The following ADH1C variants were observed in gnomAD, a reference collection of about 807,000 sequenced individuals.
ADH1C encodes alcohol dehydrogenase 1C.
ADH1C carries 26 observed loss-of-function variants against 35.0 expected under a neutral mutation model. The observed-to-expected ratio is 0.74, with a 90% confidence interval of 0.54 to 1.03. The LOEUF is 1.03. ADH1C is among the 50% of genes least tolerant of loss of function. ADH1C has a pLI of 0.00. For missense variants in ADH1C, 413 were observed against 465.4 expected (o/e 0.89, Z 1.04); for synonymous variants, 170 against 169.3 (o/e 1.00, Z -0.03).
chr4:99,337,816 G>C (rs1357356891), intron 8 of ADH1C, among the ~76,000 whole-genome samples: 2 of 151,918 alleles, frequency 1.3e-5, no homozygotes, highest in Non-Finnish European at 2.9e-5. Flanking sequence ...CAATTTATAT[G>C]ATTTATTTTA....
At chr4:99,348,579 A>G (rs1230885576) in intron 1 of ADH1C, among the ~76,000 whole-genome samples, 2 of 150,922 alleles carry the variant, frequency 1.3e-5, no homozygotes, top group Non-Finnish European at 3.0e-5. Flanking sequence ...TAATGCGGCA[A>G]TAAACATACG....
At chr4:99,342,278 T>C (rs1734434112) in intron 6 of ADH1C, among the ~76,000 whole-genome samples, 1 of 152,142 alleles carries the variant, frequency 6.6e-6, no homozygotes, top group Admixed American at 6.5e-5. Flanking sequence ...TGATAAAATA[T>C]AGCAATGTAT....
chr4:99,343,214 A>T lies in ADH1C; in HGVS notation c.568-159T>A, dbSNP rs1007139077. 3.3e-5 allele frequency among the ~76,000 whole-genome samples: 5 copies of T among 152,212 alleles called. No individual in the cohort carries two copies. The East Asian group carries it at 9.6e-4, about 29-fold the overall frequency. On this transcript the variant is annotated intron_variant, in intron 5 of 8. Transcript: ENST00000515683. ...TTTTGGCTTGAAATGCTTCATGTTTAAATTCAAGGGGTTGAATTAGTTGAG... is the reference window on the plus strand; with the variant it reads ...TTTTGGCTTGAAATGCTTCATGTTTTAATTCAAGGGGTTGAATTAGTTGAG...
In ADH1C at chr4:99,345,078, T is replaced by C. The variant is rs774766061; in HGVS notation, c.351A>G (p.Leu117=). 6.2e-7 allele frequency: 1 copy of C among 1,614,184 alleles called. No homozygotes were observed. The highest frequency in any genetic ancestry group is 1.7e-5 in the Admixed American group (1 of 60,026). The change falls in exon 5 of 9, where the codon CTA becomes CTG. Residue 117 remains leucine (L), a synonymous_variant. Coordinates refer to ENST00000515683, the MANE Select transcript of ADH1C (RefSeq NM_000669.5). ...PESNYCLKND[L]GNPRGTLQDG... The stretch of plus-strand genomic sequence containing the variant: ...CCTGCAGGGTCCCCCGAGGATTGCC[T>C]AGACTGGGCAGTGCAATACAAAGAC...
chr4:99,341,560 A>T (rs965422734), intron 6 of ADH1C, among the ~76,000 whole-genome samples: 1 of 152,198 alleles, frequency 6.6e-6, no homozygotes. Context: ...GATTCTCTTG[A>T]TACTTTATTC....
In ADH1C at chr4:99,345,019, G is replaced by A; in HGVS notation, c.410C>T (p.Pro137Leu). 2 of 1,614,156 alleles carry A rather than the reference G, an allele frequency of 1.2e-6. No individual in the cohort carries two copies. The highest frequency in any genetic ancestry group is 1.7e-6 in the Non-Finnish European group (2 of 1,180,028). The change falls in exon 5 of 9, where the codon CCC becomes CTC. Residue 137 changes from proline (P) to leucine (L), a missense_variant. Coordinates refer to ENST00000515683, the MANE Select transcript of ADH1C (RefSeq NM_000669.5). The part of the protein sequence containing the change: ...GTRRFTCSGK[P>L]IHHFVGVSTF... ...GCTGACGCCGACGAAGTGGTGGATGGGCTTCCCGCTGCAGGTGAACCTCCT... is the reference window on the plus strand; with the variant it reads ...GCTGACGCCGACGAAGTGGTGGATGAGCTTCCCGCTGCAGGTGAACCTCCT...
In ADH1C at chr4:99,336,658, A is replaced by G. The variant is rs923992424; in HGVS notation, c.*94T>C. 48 of 1,455,306 alleles carry G rather than the reference A, an allele frequency of 3.3e-5. No homozygotes were observed. Among genetic ancestry groups the G allele is most frequent in the Admixed American group, 1.9e-4 (11 of 57,660 alleles). 90.1% of individuals were successfully genotyped at this position (1,455,306 alleles called of 1,614,324 possible). On this transcript the variant is annotated 3_prime_UTR_variant, in exon 9 of 9. Coordinates refer to ENST00000515683, the MANE Select transcript of ADH1C (RefSeq NM_000669.5). ...TGTAATTTATTTTTAACATCTCTGA[A>G]GAGCAGAATTAATGATATTTCCTAG...
At chr4:99,346,687 C>T (rs991415655) in intron 3 of ADH1C, among the ~76,000 whole-genome samples, 1 of 152,052 alleles carries the variant, frequency 6.6e-6, no homozygotes, top group Non-Finnish European at 1.5e-5. Context: ...CTAACACTAA[C>T]GTGGAAGTTA....
In ADH1C at chr4:99,336,558, T is replaced by C. The variant is rs1444701173; in HGVS notation, c.*194A>G. ...AGTTGATGTTCAACACTTTATTTAG[T>C]TCTCATTTGGATTTTAAACATTTGC... On this transcript the variant is annotated 3_prime_UTR_variant, in exon 9 of 9. Transcript: ENST00000515683. The C allele has an allele frequency of 1.4e-6, 1 of 705,932 alleles. No homozygotes were observed. The highest frequency in any genetic ancestry group is 2.4e-6 in the Non-Finnish European group (1 of 421,226). The allele number at this position is 705,932 out of a possible 1,614,324, so 43.7% of individuals were successfully genotyped here. A position where few individuals can be genotyped will look rare whatever the true frequency, so the allele number is the denominator to read the frequency against.
chr4:99,342,624 A>G (rs1015716154), intron 6 of ADH1C, among the ~76,000 whole-genome samples, 171 bp downstream of exon 6: 14 of 152,216 alleles, frequency 9.2e-5, no homozygotes, highest in African/African-American at 3.1e-4. Flanking sequence ...AGCTGATTGA[A>G]TGGAAGACTT....
At chr4:99,336,989 C>A (rs1734291892) in intron 8 of ADH1C, among the ~76,000 whole-genome samples, 1 of 152,148 alleles carries the variant, frequency 6.6e-6, no homozygotes, top group Admixed American at 6.6e-5. Flanking sequence ...TAAGCTCACT[C>A]AAAACCTCCT....
chr4:99,351,431 CAAGAG>C (rs1271718540), intron 1 of ADH1C, among the ~76,000 whole-genome samples: 2 of 152,100 alleles, frequency 1.3e-5, no homozygotes, highest in Non-Finnish European at 2.9e-5. Context: ...ATGTTGCACT[CAAGAG>C]GGGAGGATTA....
chr4:99,346,991 G>T lies in ADH1C; in HGVS notation c.259+15C>A, dbSNP rs775589950. 6.2e-7 allele frequency: 1 copy of T among 1,612,328 alleles called. No homozygotes were observed. The highest frequency in any genetic ancestry group is 2.2e-5 in the East Asian group (1 of 44,788). Reference sequence around the variant, plus strand: ...TGGTGAACCAAGGCATGTTCCCTGAGTGTGAATCCTGTACCTGGTTTGACT... The same window carrying T: ...TGGTGAACCAAGGCATGTTCCCTGATTGTGAATCCTGTACCTGGTTTGACT... On this transcript the variant is annotated intron_variant, in intron 3 of 8. Transcript: ENST00000515683.
chr4:99,352,377 G>C (rs1045421938), intron 1 of ADH1C, among the ~76,000 whole-genome samples: 3 of 152,086 alleles, frequency 2.0e-5, no homozygotes, highest in Non-Finnish European at 4.4e-5. Context: ...TTTATTTAAT[G>C]TAGGAAATAA....
chr4:99,347,800 A>G lies in ADH1C; in HGVS notation c.65T>C (p.Phe22Ser), dbSNP rs556194502. 6.2e-7 allele frequency: 1 copy of G among 1,613,970 alleles called. No individual in the cohort carries two copies. Among genetic ancestry groups the G allele is most frequent in the Non-Finnish European group, 8.5e-7 (1 of 1,179,874 alleles). The change falls in exon 2 of 9, where the codon TTT (phenylalanine) becomes TCT (serine). Residue 22 changes from phenylalanine (F) to serine (S), a missense_variant. Coordinates refer to ENST00000515683, the MANE Select transcript of ADH1C (RefSeq NM_000669.5). ...AAVLWELKKP[F>S]SIEEVEVAPP... ...TGCAACCTCTACCTCCTCAATGGAA[A>G]AGGGTTTCTTTAACTCCCATAGCAC...
intron 1 of ADH1C, 36 bp from the exon 2 acceptor site, chr4:99,347,882 T>C: frequency 2.5e-6 from 4 of 1,610,634 alleles, no homozygotes; most frequent in Non-Finnish European, 3.4e-6. Context: ...ACCAGTGTTT[T>C]CCCACGCTTG....
chr4:99,340,059 G>A (rs3114048), intron 7 of ADH1C, among the ~76,000 whole-genome samples: 47,498 of 152,044 alleles, frequency 0.31, 8,860 homozygotes, highest in Non-Finnish European at 0.41. Context: ...CTTGCCTTAC[G>A]CAGTCACAAG....
chr4:99,350,902 C>T (rs1662046), intron 1 of ADH1C: 7,894 of 152,242 alleles, frequency 0.052, 283 homozygotes, highest in Middle Eastern at 0.085. Context: ...CTTTGGGAGG[C>T]CGAGGTGGGC....
Position 99,339,613 on chromosome 4 carries a change from A to G in ADH1C, c.1067T>C (p.Ile356Thr). The change falls in exon 8 of 9, where the codon ATA (isoleucine) becomes ACA (threonine). Residue 356 changes from isoleucine (I) to threonine (T), a missense_variant. Ile to Thr is a moderately conservative substitution (Grantham distance 89). Coordinates refer to ENST00000515683, the MANE Select transcript of ADH1C (RefSeq NM_000669.5). ...GCGAAGCAGGTCAAATCCTTCATTTATTTTTTCAAAAGGTAAAATATTTGT... is the reference window on the plus strand; with the variant it reads ...GCGAAGCAGGTCAAATCCTTCATTTGTTTTTTCAAAAGGTAAAATATTTGT... ...LITNILPFEK[I>T]NEGFDLLRSG... 6.3e-7 allele frequency: 1 copy of G among 1,596,446 alleles called. No individual in the cohort carries two copies. The highest frequency in any genetic ancestry group is 8.5e-7 in the Non-Finnish European group (1 of 1,171,204).
Sources: allele counts gnomAD v4.1 joint callset (sites outside exome capture counted in the v4.1 genomes callset), GRCh38; gene constraint gnomAD v4.1.1; transcripts MANE v1.5; gene names NCBI Gene and HGNC (gene_info 2026-07-23, HGNC 2026-07-21).